The following RBPJ variants were observed in gnomAD, a reference collection of about 807,000 sequenced individuals.
RBPJ encodes the protein recombining binding protein suppressor of hairless.
In RBPJ, 9 loss-of-function variants were observed where a neutral mutation model predicts 67.8. The ratio of observed to expected loss-of-function variants is 0.13; its 90% CI spans 0.08 to 0.23. The LOEUF is 0.23. RBPJ is among the 10% of genes least tolerant of loss of function. RBPJ has a pLI of 1.00. For missense variants in RBPJ, 305 were observed against 595.6 expected, an observed-to-expected ratio of 0.51 and a Z score of 5.08; for synonymous variants, 198 against 203.3, an observed-to-expected ratio of 0.97 and a Z score of 0.22.
rs146763637 is a variant in RBPJ, at chr4:26,346,018, A to AAC, written c.20+24986_20+24987dup. Among the ~76,000 whole-genome samples, 498 of 151,718 alleles carry AAC rather than the reference A, an allele frequency of 3.3e-3. 2 individuals are homozygous for AAC. The highest frequency in any genetic ancestry group is 7.2e-3 in the African/African-American group (297 of 41,382). On this transcript the variant is annotated intron_variant, in intron 1 of 10. Coordinates refer to ENST00000355476, the MANE Select transcript of RBPJ (RefSeq NM_015874.6). Reference sequence around the variant, plus strand: ...TTTTTCTTCTCCCATTGGAAATTAAAACACACACACACACACAAACACAAA... The same window carrying AAC: ...TTTTTCTTCTCCCATTGGAAATTAAAACACACACACACACACACAAACACAAA...
At chr4:26,217,238 G>A (rs896267237) in intron 1 of RBPJ, among the ~76,000 whole-genome samples, 8 of 152,044 alleles carry the variant, frequency 5.3e-5, no homozygotes, top group African/African-American at 1.9e-4. Flanking sequence ...ATGTCAAAAG[G>A]GACTCAAACT....
At chr4:26,165,690 CAT>C (rs1035749326) in intron 1 of RBPJ, among the ~76,000 whole-genome samples, 5 of 147,296 alleles carry the variant, frequency 3.4e-5, no homozygotes, top group African/African-American at 5.0e-5. Context: ...CCAGAAAAAA[CAT>C]ATATTTTTTC....
intron 1 of RBPJ, among the ~76,000 whole-genome samples, chr4:26,339,060 G>A (rs934759541): frequency 6.6e-6 from 1 of 151,174 alleles, no homozygotes; most frequent in Non-Finnish European, 1.5e-5. Flanking sequence ...GTCTCAAGCC[G>A]TCTGCCCACC....
intron 1 of RBPJ, among the ~76,000 whole-genome samples, chr4:26,225,814 G>A (rs1719056382): frequency 1.3e-5 from 2 of 151,836 alleles, no homozygotes; most frequent in Non-Finnish European, 2.9e-5. Context: ...TAAAATAGAA[G>A]CAGGATATTT....
intron 2 of RBPJ, among the ~76,000 whole-genome samples, chr4:26,387,198 C>A (rs776204077): frequency 6.6e-6 from 1 of 152,062 alleles, no homozygotes; most frequent in Admixed American, 6.5e-5. Context: ...CCATTTAGGT[C>A]ATTTCCAAAT....
At chr4:26,288,806 A>G (rs1268324905) in intron 1 of RBPJ, among the ~76,000 whole-genome samples, 5 of 152,232 alleles carry the variant, frequency 3.3e-5, no homozygotes, top group African/African-American at 1.2e-4. Context: ...GAACAACAGC[A>G]TTAATATCCC....
At chr4:26,189,936 C>G (rs1717417346) in intron 1 of RBPJ, among the ~76,000 whole-genome samples, 1 of 152,134 alleles carries the variant, frequency 6.6e-6, no homozygotes, top group Non-Finnish European at 1.5e-5. Flanking sequence ...ACAAGTTCCC[C>G]CAACACACCC....
At chr4:26,203,004 A>AGGAAGGAG (rs1280546622) in intron 1 of RBPJ, among the ~76,000 whole-genome samples, 1 of 147,368 alleles carries the variant, frequency 6.8e-6, no homozygotes, top group African/African-American at 2.5e-5. Flanking sequence ...GAAGGAAGGA[A>AGGAAGGAG]GGAAAAAAGA....
chr4:26,199,733 T>G (rs1186287318), intron 1 of RBPJ, among the ~76,000 whole-genome samples: 3 of 152,180 alleles, frequency 2.0e-5, no homozygotes, highest in African/African-American at 4.8e-5. Flanking sequence ...GGTTTCTTTT[T>G]GGGGGTGTTG....
At chr4:26,308,800 T>C (rs538612622) in intron 1 of RBPJ, among the ~76,000 whole-genome samples, 2 of 152,312 alleles carry the variant, frequency 1.3e-5, no homozygotes, top group East Asian at 3.9e-4. Context: ...GCAATACAGA[T>C]GCAAAGAGTG....
upstream of RBPJ, among the ~76,000 whole-genome samples, chr4:26,158,945 T>TTCTCTCTCTCTCTCTCTCTCTCTC (rs5856933): frequency 3.0e-4 from 41 of 136,800 alleles, no homozygotes; most frequent in South Asian, 7.2e-4. Context: ...CTCTCTCTCT[T>TTCTCTCTCTCTCTCTCTCTCTCTC]TCTCTCTCTC....
chr4:26,389,568 A>G lies in RBPJ; in HGVS notation c.59+3177A>G, dbSNP rs75516038. On this transcript the variant is annotated intron_variant, in intron 2 of 10. Coordinates refer to ENST00000355476, the MANE Select transcript of RBPJ (RefSeq NM_015874.6). ...ATTCTTCAAGCAGAAGGATGATCATACTAGATAGAAATCCGATTCTGTACA... is the reference window on the plus strand; with the variant it reads ...ATTCTTCAAGCAGAAGGATGATCATGCTAGATAGAAATCCGATTCTGTACA... 2.6e-3 allele frequency among the ~76,000 whole-genome samples: 382 copies of G among 148,776 alleles called. 3 individuals are homozygous for G. Among genetic ancestry groups the G allele is most frequent in the Non-Finnish European group, 3.2e-3 (214 of 67,530 alleles).
intron 1 of RBPJ, among the ~76,000 whole-genome samples, chr4:26,280,221 C>T (rs1056598248): frequency 6.6e-6 from 1 of 151,646 alleles, no homozygotes; most frequent in African/African-American, 2.4e-5. Context: ...ACGGCGAAAC[C>T]CCAACTCTAC....
chr4:26,317,249 G>C (rs376010723), upstream of RBPJ, among the ~76,000 whole-genome samples: 10 of 152,070 alleles, frequency 6.6e-5, no homozygotes, highest in African/African-American at 2.4e-4. Flanking sequence ...GGGTGTCAGG[G>C]AAGGCCTCCC....
Position 26,431,795 on chromosome 4 carries a change from C to T in RBPJ, c.*788C>T, listed in dbSNP as rs1736260832. The T allele has an allele frequency of 6.6e-6, 1 of 152,062 alleles. No homozygotes were observed. Among genetic ancestry groups the T allele is most frequent in the Non-Finnish European group, 1.5e-5 (1 of 68,032 alleles). The allele number at this position is 152,062 out of a possible 1,614,324, so 9.4% of individuals were successfully genotyped here. Reference sequence around the variant, plus strand: ...AATGTATGTTAACTTAGTCTCTCTTCTCAGACACTGTTGGTAGTTATTTCT... The same window carrying T: ...AATGTATGTTAACTTAGTCTCTCTTTTCAGACACTGTTGGTAGTTATTTCT... On this transcript the variant is annotated 3_prime_UTR_variant, in exon 11 of 11. Transcript: ENST00000355476.
chr4:26,432,627 C>CA lies in RBPJ; in HGVS notation c.*1621dup, dbSNP rs1470794617. On this transcript the variant is annotated 3_prime_UTR_variant, in exon 11 of 11. Coordinates refer to ENST00000355476, the MANE Select transcript of RBPJ (RefSeq NM_015874.6). ...AAATTGCAGCAGACTCATTGGGCTA[C>CA]ATTTAGTACAGGAACCACGTGTGTA... The CA allele has an allele frequency of 2.6e-5, 4 of 152,168 alleles. No individual in the cohort carries two copies. The highest frequency in any genetic ancestry group is 9.7e-5 in the African/African-American group (4 of 41,444). The allele number at this position is 152,168 out of a possible 1,614,324, so 9.4% of individuals were successfully genotyped here. A position where few individuals can be genotyped will look rare whatever the true frequency, so the allele number is the denominator to read the frequency against.
chr4:26,402,303 G>A (rs930377743), intron 2 of RBPJ, among the ~76,000 whole-genome samples: 3 of 152,090 alleles, frequency 2.0e-5, no homozygotes, highest in Non-Finnish European at 4.4e-5. Context: ...CCAGCAGTTT[G>A]GTCTCCCTAT....
chr4:26,203,195 A>C (rs1231157722), intron 1 of RBPJ, among the ~76,000 whole-genome samples: 2 of 152,198 alleles, frequency 1.3e-5, no homozygotes, highest in Non-Finnish European at 2.9e-5. Context: ...TTTAAATCAA[A>C]AATCAAATTT....
Position 26,292,819 on chromosome 4 carries a change from T to TTA in RBPJ, c.-166-69615_-166-69614dup, listed in dbSNP as rs1233807166. Among the ~76,000 whole-genome samples, 64 of 149,902 alleles carry TTA rather than the reference T, an allele frequency of 4.3e-4. 3 individuals carry two copies. The highest frequency in any genetic ancestry group is 1.4e-3 in the African/African-American group (56 of 40,804). ...ATACATATATATATATATGGTGTGT[T>TTA]TATATATATATATGTGTATCACAAT... On this transcript the variant is annotated intron_variant, in intron 1 of 4. Coordinates refer to the RBPJ transcript ENST00000512351.
Sources: gnomAD v4.1 joint callset for allele counts (sites outside exome capture counted in the v4.1 genomes callset) on GRCh38, gnomAD v4.1.1 for gene constraint, MANE v1.5 for transcripts, NCBI Gene and HGNC (gene_info 2026-07-23, HGNC 2026-07-21) for gene names.